DOCK3: variants seen among roughly 807,000 people sequenced by gnomAD.
The protein encoded by DOCK3 is dedicator of cytokinesis protein 3.
In DOCK3, 60 loss-of-function variants were observed where a neutral mutation model predicts 265.6. The observed-to-expected ratio is 0.23, with a 90% CI of 0.18 to 0.28. DOCK3 has a LOEUF of 0.28. Among genes scored for constraint, DOCK3 ranks in the 10% least tolerant of loss-of-function variants. The pLI is 1.00. For synonymous variants in DOCK3, 881 were observed against 938.0 expected (o/e 0.94, Z 1.11); for missense variants, 1,981 against 2,594.3 (o/e 0.76, Z 5.14).
In DOCK3 at chr3:51,022,479, C is replaced by T. The variant is rs1007402135; in HGVS notation, c.316-41969C>T. On this transcript the variant is annotated intron_variant, in intron 5 of 52. Transcript: ENST00000266037. ...TAAATATTGCTTCTGCTCCATTTTT[C>T]TTTCTTCTCTTTCTGGAACTCCAGT... Among the ~76,000 whole-genome samples the T allele has an allele frequency of 1.3e-4, 20 of 152,164 alleles. No homozygotes were observed. The South Asian group carries it at 2.5e-3, about 19-fold the overall frequency.
At chr3:50,957,818 A>G (rs750486062) in intron 5 of DOCK3, among the ~76,000 whole-genome samples, 8 of 152,176 alleles carry the variant, frequency 5.3e-5, no homozygotes, top group Non-Finnish European at 1.0e-4. Flanking sequence ...AGTTCTCTTC[A>G]TTTGTTCAGA....
intron 50 of DOCK3, among the ~76,000 whole-genome samples, chr3:51,375,412 T>TG (rs1343540214): frequency 6.6e-6 from 1 of 152,160 alleles, no homozygotes; most frequent in Admixed American, 6.5e-5. Context: ...CATGGGGAAG[T>TG]GGGGATCTCT....
At chr3:51,347,481 C>T (rs1261402759) in intron 38 of DOCK3, among the ~76,000 whole-genome samples, 2 of 152,198 alleles carry the variant, frequency 1.3e-5, no homozygotes, top group Non-Finnish European at 2.9e-5. Context: ...GGACTCTGTT[C>T]TGTTCCGTTG....
At chr3:51,277,854 G>A in intron 26 of DOCK3, 100 bp downstream of exon 26, 1 of 1,539,008 alleles carries the variant, frequency 6.5e-7, no homozygotes, top group Non-Finnish European at 8.8e-7. Flanking sequence ...CTTCATCTCA[G>A]CCTTCCCTCC....
At chr3:51,236,871 C>G (rs2078370802) in intron 20 of DOCK3, among the ~76,000 whole-genome samples, 1 of 152,138 alleles carries the variant, frequency 6.6e-6, no homozygotes, top group Non-Finnish European at 1.5e-5. Flanking sequence ...ACTAGAGTCT[C>G]AGAAGGTTGG....
At chr3:51,154,429 A>G (rs987502236) in intron 10 of DOCK3, among the ~76,000 whole-genome samples, 4 of 152,176 alleles carry the variant, frequency 2.6e-5, no homozygotes, top group Admixed American at 6.5e-5. Context: ...GAAAAGAATG[A>G]AAGAAAGAAT....
At chr3:51,181,384 G>A (rs576628675) in intron 12 of DOCK3, among the ~76,000 whole-genome samples, 9 of 147,764 alleles carry the variant, frequency 6.1e-5, no homozygotes, top group South Asian at 4.2e-4. Context: ...GAGAACATGC[G>A]GTGTTTGGTT....
intron 9 of DOCK3, among the ~76,000 whole-genome samples, chr3:51,094,320 G>A (rs911696016): frequency 6.6e-5 from 10 of 152,134 alleles, no homozygotes; most frequent in Non-Finnish European, 1.0e-4. Flanking sequence ...TGGTTGGTAG[G>A]CTACTAATTA....
At position 51,381,260 on chromosome 3, in the gene DOCK3, T is replaced by C; in HGVS notation, c.5794T>C (p.Tyr1932His). ...TGCTGACGAAGATCTTGAGCCACCCTACCTCCCTGTCCACTACAGCCTCTC... is the reference window on the plus strand; with the variant it reads ...TGCTGACGAAGATCTTGAGCCACCCCACCTCCCTGTCCACTACAGCCTCTC... The part of the protein sequence containing the change: ...WNADEDLEPP[Y>H]LPVHYSLSES... Residue 1932 changes from tyrosine to histidine, a missense_variant, in exon 53 of 53, where the codon TAC becomes CAC. Transcript: ENST00000266037. This position sits in a 1 kb window ranked among gnomAD's most constrained non-coding sequence, Gnocchi z 5.6. The C allele has an allele frequency of 1.9e-6, 3 of 1,613,792 alleles. No homozygotes were observed. Among genetic ancestry groups the C allele is most frequent in the Non-Finnish European group, 2.5e-6 (3 of 1,179,854 alleles).
chr3:51,037,357 T>C (rs960044800), intron 5 of DOCK3, among the ~76,000 whole-genome samples: 1 of 152,130 alleles, frequency 6.6e-6, no homozygotes, highest in Non-Finnish European at 1.5e-5. Flanking sequence ...TTACATGAGT[T>C]AGTTCTTTAT....
intron 1 of DOCK3, among the ~76,000 whole-genome samples, chr3:50,710,630 A>G (rs544792318): frequency 6.6e-6 from 1 of 152,342 alleles, no homozygotes; most frequent in Non-Finnish European, 1.5e-5. Context: ...AAGTAGAAAT[A>G]CCATTTAATT....
rs778954495 is a variant in DOCK3, at chr3:51,310,261, C to T, written c.2952C>T (p.Phe984=). Residue 984 remains phenylalanine, a synonymous_variant, in exon 28 of 53, where the codon TTC becomes TTT. Coordinates refer to ENST00000266037, the MANE Select transcript of DOCK3 (RefSeq NM_004947.5). ...KEFLLKIFCV[F]RNLMKMSVFP... The stretch of plus-strand genomic sequence containing the variant: ...TTCTGCTGAAGATTTTTTGCGTGTT[C>T]CGGAACCTGATGAAGATGAGTGTCT... 6.2e-7 allele frequency: 1 copy of T among 1,605,124 alleles called. No homozygotes were observed. The highest frequency in any genetic ancestry group is 8.5e-7 in the Non-Finnish European group (1 of 1,175,782).
chr3:51,313,289 T>C (rs1398352780), intron 31 of DOCK3, among the ~76,000 whole-genome samples: 1 of 152,234 alleles, frequency 6.6e-6, no homozygotes, highest in Non-Finnish European at 1.5e-5. Context: ...ACCCAGTACA[T>C]GAGCAAAGGT....
intron 3 of DOCK3, among the ~76,000 whole-genome samples, chr3:50,879,593 A>G (rs559048048): frequency 7.9e-5 from 12 of 152,366 alleles, no homozygotes; most frequent in African/African-American, 2.6e-4. Context: ...GCCTAAATAT[A>G]TATTCACCCA....
chr3:50,790,497 T>G (rs2108599236), intron 2 of DOCK3, among the ~76,000 whole-genome samples: 1 of 150,796 alleles, frequency 6.6e-6, no homozygotes, highest in East Asian at 1.9e-4. Flanking sequence ...TTAGCAGTTA[T>G]TTTAGTGCTG....
intron 38 of DOCK3, among the ~76,000 whole-genome samples, chr3:51,347,827 T>C (rs1246555933): frequency 1.3e-5 from 2 of 152,224 alleles, no homozygotes; most frequent in African/African-American, 4.8e-5. Context: ...AGCAGTGGTT[T>C]GTAGTTCTTC....
chr3:50,964,698 A>G (rs1462229161), intron 5 of DOCK3, among the ~76,000 whole-genome samples: 1 of 152,148 alleles, frequency 6.6e-6, no homozygotes, highest in African/African-American at 2.4e-5. Flanking sequence ...AGGTAGATGA[A>G]ATAGTTAAAT....
chr3:51,089,126 A>C (rs946839794), intron 7 of DOCK3, 117 bp from the exon 8 acceptor site: 8 of 1,062,962 alleles, frequency 7.5e-6, no homozygotes, highest in African/African-American at 3.2e-5. Flanking sequence ...AAGTTATCAG[A>C]ATTAAATGAG....
chr3:51,200,458 G>A (rs1239250039), intron 12 of DOCK3, among the ~76,000 whole-genome samples: 100 of 19,288 alleles, frequency 5.2e-3, no homozygotes, highest in African/African-American at 7.8e-3. Context: ...GAAGCGAGAA[G>A]GGAAGTTTAG....
Sources: gnomAD v4.1 joint callset for allele counts (sites outside exome capture counted in the v4.1 genomes callset) on GRCh38, gnomAD v4.1.1 for gene constraint, Gnocchi (gnomAD v3.1) non-coding constraint, MANE v1.5 for transcripts, NCBI Gene and HGNC (gene_info 2026-07-23, HGNC 2026-07-21) for gene names.